The following LRRC18 variants were observed in gnomAD, a reference collection of about 807,000 sequenced individuals.
The protein encoded by LRRC18 is leucine rich repeat containing 18.
Under a neutral mutation model 11.2 loss-of-function variants are expected in LRRC18, and 12 were observed. The ratio of observed to expected loss-of-function variants is 1.07; its 90% CI spans 0.69 to 1.74. The LOEUF (loss-of-function observed/expected upper bound fraction) is 1.74, where lower values mean the gene tolerates loss of function less well. Among genes scored for constraint, LRRC18 ranks in the 40% most tolerant of loss-of-function variants. The pLI, the probability that LRRC18 is intolerant of heterozygous loss-of-function variation, is 0.00. For missense variants in LRRC18, 374 were observed against 330.5 expected (o/e 1.13, Z -1.02); for synonymous variants, 155 against 130.6 (o/e 1.19, Z -1.27).
At chr10:48,913,859 G>C (rs1455224113) in exon 1 of LRRC18, 2 of 1,613,986 alleles carry the variant, frequency 1.2e-6, no homozygotes, top group African/African-American at 1.3e-5. Flanking sequence ...CGTTGAGGTA[G>C]AGCAGGCTGG....
the LRRC18 span, among the ~76,000 whole-genome samples, chr10:48,930,450 G>T: frequency 1.3e-5 from 2 of 152,198 alleles, no homozygotes; most frequent in Non-Finnish European, 2.9e-5. Flanking sequence ...GCACTATGGG[G>T]CTGGAGAGTG....
rs753993601 is a variant in LRRC18, at chr10:48,913,866, CT to C, written c.289del (p.Ser97AlafsTer12). 11 of 1,614,098 alleles carry C rather than the reference CT, an allele frequency of 6.8e-6. No individual in the cohort carries two copies. Among genetic ancestry groups the C allele is most frequent in the Non-Finnish European group, 8.5e-6 (10 of 1,180,026 alleles). On this transcript the variant is annotated frameshift_variant, in exon 1 of 2. Coordinates refer to ENST00000374160, the Ensembl canonical transcript of LRRC18. LOFTEE classifies it high-confidence loss of function. ...GTTGCTGACGTTGAGGTAGAGCAGG[CT>C]GGTCATCTGGCCAATGGACTCAGGC... is the stretch of plus-strand genomic sequence containing the variant.
chr10:48,924,331 C>A, the LRRC18 span, among the ~76,000 whole-genome samples: 2 of 152,130 alleles, frequency 1.3e-5, no homozygotes, highest in Non-Finnish European at 2.9e-5. Flanking sequence ...AGAAGCAGAC[C>A]CAGTGCCAGA....
In LRRC18 at chr10:48,910,131, A is replaced by G. The variant is rs1018785155; in HGVS notation, c.*106T>C. On this transcript the variant is annotated 3_prime_UTR_variant, in exon 2 of 2. Transcript: ENST00000374160. The stretch of plus-strand genomic sequence containing the variant: ...GCCAGCTCCGGCGAGCCTGGTTTCC[A>G]GAACATCTCACTTGCCACTCTGTCT... 1.3e-5 allele frequency: 14 copies of G among 1,110,816 alleles called. No individual in the cohort carries two copies. In the East Asian group the frequency reaches 3.3e-4, roughly 26 times the overall value. 68.8% of individuals were successfully genotyped at this position (1,110,816 alleles called of 1,614,324 possible).
the LRRC18 span, among the ~76,000 whole-genome samples, chr10:48,934,188 C>G: frequency 6.6e-6 from 1 of 152,206 alleles, no homozygotes; most frequent in Non-Finnish European, 1.5e-5. Flanking sequence ...TTGTTCCATA[C>G]TTGGTTCACA....
At chr10:48,928,623 A>G in the LRRC18 span, among the ~76,000 whole-genome samples, 5 of 152,130 alleles carry the variant, frequency 3.3e-5, no homozygotes, top group Admixed American at 2.0e-4. Flanking sequence ...GCCCCCTCGT[A>G]TCATGCTGGG....
Position 48,910,233 on chromosome 10 carries a change from T to C in LRRC18, c.*4A>G, listed in dbSNP as rs201083632. On this transcript the variant is annotated 3_prime_UTR_variant, in exon 2 of 2. Coordinates refer to ENST00000374160, the Ensembl canonical transcript of LRRC18. The stretch of plus-strand genomic sequence containing the variant: ...GTAGTCTTCAAGATTTTGCCACAGC[T>C]ACTCTAGGAAGATGTCAAGCGTATT... 1.7e-4 allele frequency: 262 copies of C among 1,542,102 alleles called. 1 individual carries two copies. In the African/African-American group the frequency reaches 3.3e-3, roughly 20 times the overall value.
the LRRC18 span, among the ~76,000 whole-genome samples, chr10:48,924,589 C>G: frequency 6.6e-6 from 1 of 152,214 alleles, no homozygotes; most frequent in Non-Finnish European, 1.5e-5. Context: ...TAAGAGGTTT[C>G]TAAAGGTACT....
exon 1 of LRRC18, chr10:48,913,419 A>T (rs377553914): frequency 3.1e-6 from 5 of 1,611,466 alleles, no homozygotes; most frequent in Non-Finnish European, 4.2e-6. Context: ...GTCCTTGGCC[A>T]TGGAATTGGG....
chr10:48,914,263 G>C, upstream of LRRC18: 1 of 1,230,232 alleles, frequency 8.1e-7, no homozygotes, highest in Non-Finnish European at 1.1e-6. Flanking sequence ...ATCTGGTTAG[G>C]AGATGCCAGA....
the LRRC18 span, among the ~76,000 whole-genome samples, chr10:48,936,163 CA>C: frequency 6.6e-6 from 1 of 151,450 alleles, no homozygotes; most frequent in African/African-American, 2.4e-5. Context: ...TTGGAAAGTA[CA>C]AAAAAAGCAA....
the LRRC18 span, among the ~76,000 whole-genome samples, chr10:48,919,581 G>T: frequency 6.6e-6 from 1 of 152,186 alleles, no homozygotes; most frequent in African/African-American, 2.4e-5. Context: ...CAAGTCACTG[G>T]CAGATTTGCC....
At chr10:48,933,644 T>C in the LRRC18 span, among the ~76,000 whole-genome samples, 2 of 152,138 alleles carry the variant, frequency 1.3e-5, no homozygotes, top group Admixed American at 6.5e-5. Flanking sequence ...TTAGACCCAG[T>C]TCTAGGGGCT....
upstream of LRRC18, among the ~76,000 whole-genome samples, chr10:48,917,496 G>T (rs1016862947): frequency 2.0e-5 from 3 of 152,274 alleles, no homozygotes; most frequent in East Asian, 5.8e-4. Context: ...GAAAGCTGCC[G>T]GAGAACAATG....
At chr10:48,910,954 A>G (rs1300883483) in intron 1 of LRRC18, 2 of 976,600 alleles carry the variant, frequency 2.0e-6, no homozygotes, top group Non-Finnish European at 2.4e-6. Context: ...CTAAGGAGGG[A>G]AAATTAATTC....
chr10:48,925,509 T>C, the LRRC18 span, among the ~76,000 whole-genome samples: 1 of 152,226 alleles, frequency 6.6e-6, no homozygotes, highest in Admixed American at 6.5e-5. Flanking sequence ...CTCTGCAGTG[T>C]TACCTAGATT....
chr10:48,934,402 C>T, the LRRC18 span, among the ~76,000 whole-genome samples: 1 of 152,200 alleles, frequency 6.6e-6, no homozygotes, highest in Non-Finnish European at 1.5e-5. Context: ...TTCATCTCCA[C>T]CGGGGGGATA....
chr10:48,923,773 C>T, the LRRC18 span, among the ~76,000 whole-genome samples: 3 of 152,030 alleles, frequency 2.0e-5, no homozygotes, highest in African/African-American at 7.2e-5. Flanking sequence ...CACCAGATTC[C>T]CCTGAACACC....
At chr10:48,914,686 A>G (rs994691569), upstream of LRRC18, among the ~76,000 whole-genome samples, 6 of 152,178 alleles carry the variant, frequency 3.9e-5, no homozygotes, top group Non-Finnish European at 8.8e-5. Flanking sequence ...CTTAGAGAAT[A>G]AGGTGGGTAC....
Sources: allele counts gnomAD v4.1 joint callset (sites outside exome capture counted in the v4.1 genomes callset), GRCh38; gene constraint gnomAD v4.1.1; transcripts MANE v1.5; gene names NCBI Gene and HGNC (gene_info 2026-07-23, HGNC 2026-07-21).